GRM7: variants seen among roughly 807,000 people sequenced by gnomAD.
GRM7 encodes the protein glutamate metabotropic receptor 7.
In GRM7, 35 loss-of-function variants were observed where a neutral mutation model predicts 84.5. The observed-to-expected ratio is 0.41, with a 90% confidence interval of 0.32 to 0.55. The LOEUF (loss-of-function observed/expected upper bound fraction) is 0.55, where lower values mean the gene tolerates loss of function less well. Among genes scored for constraint, GRM7 ranks in the 20% least tolerant of loss-of-function variants. The probability of loss-of-function intolerance (pLI) is 0.19; values close to 1 mark genes in which losing one functional copy is unlikely to be tolerated. For missense variants in GRM7, 1,003 were observed against 1,194.6 expected (o/e 0.84, Z 2.36); for synonymous variants, 487 against 455.1 (o/e 1.07, Z -0.89).
intron 1 of GRM7, among the ~76,000 whole-genome samples, chr3:6,969,825 A>G (rs1028789589): frequency 6.6e-6 from 1 of 152,198 alleles, no homozygotes; most frequent in Non-Finnish European, 1.5e-5. Context: ...ATCCCCAGAC[A>G]GACTTGACAC....
chr3:7,162,639 A>G (rs1694660209), intron 2 of GRM7, among the ~76,000 whole-genome samples: 1 of 151,094 alleles, frequency 6.6e-6, no homozygotes, highest in Non-Finnish European at 1.5e-5. Context: ...TAAGAGAAAT[A>G]GAACTGTCAG....
chr3:7,617,615 T>C (rs1697155800), intron 8 of GRM7, among the ~76,000 whole-genome samples: 1 of 152,004 alleles, frequency 6.6e-6, no homozygotes, highest in South Asian at 2.1e-4. Flanking sequence ...AAAGAATTCC[T>C]GCAAGGAAAG....
intron 1 of GRM7, among the ~76,000 whole-genome samples, chr3:6,941,582 T>C (rs984597777): frequency 1.3e-5 from 2 of 152,180 alleles, no homozygotes; most frequent in African/African-American, 2.4e-5. Flanking sequence ...ATTTGAAGGA[T>C]TTTCAACTGA....
At chr3:7,662,224 C>T (rs534792547) in intron 8 of GRM7, among the ~76,000 whole-genome samples, 15 of 151,924 alleles carry the variant, frequency 9.9e-5, no homozygotes, top group Non-Finnish European at 2.1e-4. Flanking sequence ...TGAGCAAAAG[C>T]GAATTATGGG....
intron 1 of GRM7, among the ~76,000 whole-genome samples, chr3:7,004,593 A>G (rs1008760755): frequency 2.0e-5 from 3 of 152,190 alleles, no homozygotes; most frequent in African/African-American, 7.2e-5. Flanking sequence ...CTTGATAAAC[A>G]TCTTTAACGA....
chr3:7,331,373 TGAA>T (rs529932306), intron 4 of GRM7, among the ~76,000 whole-genome samples: 237 of 152,284 alleles, frequency 1.6e-3, no homozygotes, highest in Middle Eastern at 0.014. Flanking sequence ...AGAATTTCCT[TGAA>T]GAGCAGAATT....
At chr3:7,238,754 T>TTTTCTTTTCC (rs1559519772) in intron 2 of GRM7, among the ~76,000 whole-genome samples, 1 of 151,034 alleles carries the variant, frequency 6.6e-6, no homozygotes, top group Non-Finnish European at 1.5e-5. Context: ...TTTTCTTTTC[T>TTTTCTTTTCC]TTTCCTTTCC....
chr3:7,126,242 C>T (rs2125048558), intron 1 of GRM7, among the ~76,000 whole-genome samples: 1 of 152,306 alleles, frequency 6.6e-6, no homozygotes, highest in Middle Eastern at 3.4e-3. Context: ...CCAAAATAGG[C>T]TGCTGCTCTG....
intron 4 of GRM7, among the ~76,000 whole-genome samples, chr3:7,412,803 G>T (rs1695998934): frequency 6.6e-6 from 1 of 152,086 alleles, no homozygotes; most frequent in Non-Finnish European, 1.5e-5. Context: ...CCTTATAAAA[G>T]AATGATCTTT....
At chr3:7,565,128 C>T (rs1694199712) in intron 7 of GRM7, among the ~76,000 whole-genome samples, 1 of 152,166 alleles carries the variant, frequency 6.6e-6, no homozygotes, top group Admixed American at 6.5e-5. Flanking sequence ...GACCAGAAAA[C>T]TGATGAGACT....
In GRM7 at chr3:7,736,372, T is replaced by C. The variant is rs1398520880; in HGVS notation, c.2699-3985T>C. Among the ~76,000 whole-genome samples, 8 of 152,276 alleles carry C rather than the reference T, an allele frequency of 5.3e-5. 1 individual carries two copies. The East Asian group carries it at 1.3e-3, about 26-fold the overall frequency. On this transcript the variant is annotated intron_variant, in intron 9 of 9. Coordinates refer to ENST00000357716, the MANE Select transcript of GRM7 (RefSeq NM_000844.4). Reference sequence around the variant, plus strand: ...GTATCATCTACTGCAGCATTGCTTATTTCAAAAACATTAGAAAGCAGAGTC... The same window carrying C: ...GTATCATCTACTGCAGCATTGCTTACTTCAAAAACATTAGAAAGCAGAGTC...
At chr3:7,460,236 A>AT (rs1698191055) in intron 6 of GRM7, among the ~76,000 whole-genome samples, 1 of 149,756 alleles carries the variant, frequency 6.7e-6, no homozygotes, top group Admixed American at 6.7e-5. Flanking sequence ...GATGGTAATG[A>AT]TTTTTTATAG....
At chr3:7,701,671 A>G (rs1701234944) in intron 9 of GRM7, among the ~76,000 whole-genome samples, 1 of 152,064 alleles carries the variant, frequency 6.6e-6, no homozygotes, top group South Asian at 2.1e-4. Context: ...GGGTGGTAGG[A>G]TGGTAGGAGC....
In GRM7 at chr3:7,271,469, G is replaced by A. The variant is rs549890149; in HGVS notation, c.737-27215G>A. ...AGCTACTCGGGAGGCTGAGGCAGGAGAATGGCGTGAACCCGGGAGGCGGAG... is the reference window on the plus strand; with the variant it reads ...AGCTACTCGGGAGGCTGAGGCAGGAAAATGGCGTGAACCCGGGAGGCGGAG... On this transcript the variant is annotated intron_variant, in intron 2 of 9. Transcript: ENST00000357716. Among the ~76,000 whole-genome samples, 3 of 150,448 alleles carry A rather than the reference G, an allele frequency of 2.0e-5. No individual in the cohort carries two copies. The East Asian group carries it at 6.0e-4, about 30-fold the overall frequency.
rs202106145 is a variant in GRM7 at position 7,099,509 on chromosome 3, CAT to C, written c.520-46938_520-46937del. Among the ~76,000 whole-genome samples the C allele has an allele frequency of 2.4e-4, 35 of 147,408 alleles. No individual in the cohort carries two copies. The South Asian group carries it at 3.0e-3, about 12-fold the overall frequency. ...TATGTACACGCATTATACATGTACACATATATGTATATGTACACGCATTATAC... is the reference window on the plus strand; with the variant it reads ...TATGTACACGCATTATACATGTACACATATGTATATGTACACGCATTATAC... On this transcript the variant is annotated intron_variant, in intron 1 of 9. Coordinates refer to ENST00000357716, the MANE Select transcript of GRM7 (RefSeq NM_000844.4).
intron 1 of GRM7, among the ~76,000 whole-genome samples, chr3:7,079,809 G>C (rs1698220353): frequency 6.6e-6 from 1 of 152,130 alleles, no homozygotes; most frequent in Non-Finnish European, 1.5e-5. Context: ...TAATGGTTTT[G>C]ATAACTGCAC....
At chr3:7,034,876 A>G (rs974873687) in intron 1 of GRM7, among the ~76,000 whole-genome samples, 2 of 152,196 alleles carry the variant, frequency 1.3e-5, no homozygotes, top group Non-Finnish European at 2.9e-5. Context: ...ACAGGGTGGC[A>G]GTGTGGAGAA....
chr3:7,017,953 C>G (rs73130506), intron 1 of GRM7, among the ~76,000 whole-genome samples: 3,159 of 152,228 alleles, frequency 0.021, 104 homozygotes, highest in African/African-American at 0.07. Flanking sequence ...CACCTAATTA[C>G]TTGTAAGCCA....
chr3:7,520,126 C>T (rs931225459), intron 7 of GRM7: 1 of 152,046 alleles, frequency 6.6e-6, no homozygotes, highest in Non-Finnish European at 1.5e-5. Flanking sequence ...TAATCTTTAT[C>T]CCCCACCCAG....
Sources: gnomAD v4.1 joint callset for allele counts (sites outside exome capture counted in the v4.1 genomes callset) on GRCh38, gnomAD v4.1.1 for gene constraint, MANE v1.5 for transcripts, NCBI Gene and HGNC (gene_info 2026-07-23, HGNC 2026-07-21) for gene names.